The following GFM1 variants were observed in gnomAD, a reference collection of about 807,000 sequenced individuals.
The protein encoded by GFM1 is G elongation factor mitochondrial 1.
In GFM1, 62 loss-of-function variants were observed where a neutral mutation model predicts 96.2. The observed-to-expected ratio is 0.64, with a 90% confidence interval of 0.53 to 0.80. The LOEUF is 0.80. GFM1 is among the 30% of genes least tolerant of loss of function. GFM1 has a pLI of 0.00. For synonymous variants in GFM1, 282 were observed against 312.9 expected (o/e 0.90, Z 1.04); for missense variants, 852 against 916.6 (o/e 0.93, Z 0.91).
intron 13 of GFM1, among the ~76,000 whole-genome samples, 178 bp from the exon 14 acceptor site, chr3:158,681,817 A>G (rs745622879): frequency 6.6e-6 from 1 of 152,234 alleles, no homozygotes; most frequent in African/African-American, 2.4e-5. Context: ...CACTTCAAGT[A>G]AGAACAGAAA....
intron 8 of GFM1, chr3:158,655,989 A>G: frequency 2.2e-6 from 1 of 448,338 alleles, no homozygotes; most frequent in South Asian, 1.6e-5. Flanking sequence ...TCTTTTGTAG[A>G]GTGTCCCTCA....
In GFM1 at chr3:158,662,633, A is replaced by G. The variant is rs2108044319; in HGVS notation, c.1329A>G (p.Ser443=). Residue 443 remains serine, a synonymous_variant, in exon 11 of 18, where the codon TCA becomes TCG. Transcript: ENST00000486715. ...DKANSGLSME[S]IHVPDPVISI... ...TCTTTTAAAAAATATTTTAGGAGTC[A>G]ATTCATGTTCCTGATCCTGTCATTT... 1.9e-6 allele frequency: 3 copies of G among 1,588,924 alleles called. No homozygotes were observed. The highest frequency in any genetic ancestry group is 2.6e-6 in the Non-Finnish European group (3 of 1,157,834).
chr3:158,651,529 G>A (rs918762190), intron 5 of GFM1, among the ~76,000 whole-genome samples: 1 of 152,096 alleles, frequency 6.6e-6, no homozygotes, highest in South Asian at 2.1e-4. Flanking sequence ...CACATATTTA[G>A]TTTAGCGCTT....
At position 158,672,504 on chromosome 3, in the gene GFM1, T is replaced by C. The variant is rs755649841; in HGVS notation, c.1601+6118T>C. On this transcript the variant is annotated intron_variant, in intron 13 of 17. Coordinates refer to ENST00000486715, the MANE Select transcript of GFM1 (RefSeq NM_024996.7). ...TCCGGATGAGCAGTGACTTCAGGGC[T>C]TGGGCTACTCTGGCTTAACGGGACC... is the stretch of plus-strand genomic sequence containing the variant. 2.5e-5 allele frequency: 41 copies of C among 1,612,918 alleles called. No homozygotes were observed. The Admixed American group carries it at 3.7e-4, about 14-fold the overall frequency.
At position 158,653,427 on chromosome 3, in the gene GFM1, C is replaced by G. The variant is rs781397040; in HGVS notation, c.958C>G (p.Pro320Ala). The change falls in exon 7 of 18, where the codon CCA (proline) becomes GCA (alanine). Residue 320 changes from proline to alanine, a missense_variant. By Grantham distance (27) the Pro-to-Ala change is conservative. Transcript: ENST00000486715. ...TGCTGTTTTAGAATACCTCCCAAAT[C>G]CATCTGAAGTCCAGAACTATGCTAT... ...LDAVLEYLPN[P>A]SEVQNYAILN... 5 of 1,613,244 alleles carry G rather than the reference C, an allele frequency of 3.1e-6. No homozygotes were observed. The South Asian group carries it at 5.5e-5, about 18-fold the overall frequency.
At chr3:158,677,228 C>T (rs1442618331) in intron 13 of GFM1, among the ~76,000 whole-genome samples, 1 of 152,150 alleles carries the variant, frequency 6.6e-6, no homozygotes, top group Non-Finnish European at 1.5e-5. Context: ...CTCTACCTAC[C>T]AGTTGTGCTT....
chr3:158,688,942 A>G (rs994313346), intron 15 of GFM1, among the ~76,000 whole-genome samples: 2 of 152,252 alleles, frequency 1.3e-5, no homozygotes, highest in Admixed American at 6.5e-5. Context: ...GAGTAAATAT[A>G]TAAGAAAAAT....
At position 158,675,858 on chromosome 3, in the gene GFM1, C is replaced by T. The variant is rs1381510859; in HGVS notation, c.1602-6137C>T. ...GTTACTAAAGAGAGTTTCAGTTTAC[C>T]TTTATTCTTATACATTATAAAATGA... On this transcript the variant is annotated intron_variant, in intron 13 of 17. Coordinates refer to ENST00000486715, the MANE Select transcript of GFM1 (RefSeq NM_024996.7). 2.6e-5 allele frequency among the ~76,000 whole-genome samples: 4 copies of T among 152,250 alleles called. No homozygotes were observed. The East Asian group carries it at 7.7e-4, about 29-fold the overall frequency.
rs754404181 is a variant in GFM1, at chr3:158,690,168, G to A, written c.1915G>A (p.Ala639Thr). 4 of 1,612,198 alleles carry A rather than the reference G, an allele frequency of 2.5e-6. No individual in the cohort carries two copies. The Admixed American group carries it at 6.7e-5, about 27-fold the overall frequency. ...AGEGALKQAL[A>T]NATLCILEPI... Reference sequence around the variant, plus strand: ...TTTTTTTTTTTTTAACCCAGCCTTGGCAAATGCAACATTATGTATTCTTGA... The same window carrying A: ...TTTTTTTTTTTTTAACCCAGCCTTGACAAATGCAACATTATGTATTCTTGA... The change falls in exon 16 of 18, where the codon GCA (alanine) becomes ACA (threonine). Residue 639 changes from alanine (A) to threonine (T), a missense_variant. By Grantham distance (58) the Ala-to-Thr change is moderately conservative. Coordinates refer to ENST00000486715, the MANE Select transcript of GFM1 (RefSeq NM_024996.7).
chr3:158,653,652 CATATT>C (rs1311920177), intron 7 of GFM1, among the ~76,000 whole-genome samples, 185 bp downstream of exon 7: 2 of 151,688 alleles, frequency 1.3e-5, no homozygotes, highest in East Asian at 1.9e-4. Flanking sequence ...GTTCCTATAT[CATATT>C]CTGTTTTGAG....
Position 158,666,326 on chromosome 3 carries a change from G to T in GFM1, c.1541G>T (p.Cys514Phe), listed in dbSNP as rs529224781. Residue 514 changes from cysteine (C) to phenylalanine (F), a missense_variant, in exon 13 of 18, where the codon TGT becomes TTT. Cys to Phe is a radical substitution (Grantham distance 205, BLOSUM62 -2). Transcript: ENST00000486715. ...TAGAGGCTGGAAAGAGAGTATGGCT[G>T]TCCTTGTATCACAGGAAAGCCAAAA... ...YAQRLEREYGCPCITGKPKVA... is the reference protein window; with the variant it reads ...YAQRLEREYGFPCITGKPKVA... The T allele has an allele frequency of 3.7e-6, 6 of 1,613,078 alleles. No individual in the cohort carries two copies. The Admixed American group carries it at 6.7e-5, about 18-fold the overall frequency.
intron 11 of GFM1, among the ~76,000 whole-genome samples, chr3:158,663,815 G>A (rs1007287139): frequency 2.0e-5 from 3 of 152,124 alleles, no homozygotes; most frequent in Non-Finnish European, 2.9e-5. Flanking sequence ...AAGGTTTTTT[G>A]TTGTTTTGGG....
intron 15 of GFM1, among the ~76,000 whole-genome samples, chr3:158,688,582 C>T (rs1726057448): frequency 6.6e-6 from 1 of 152,160 alleles, no homozygotes; most frequent in Admixed American, 6.6e-5. Flanking sequence ...TCACATATCT[C>T]CTTCTGGGTG....
chr3:158,690,036 A>C, intron 15 of GFM1, 127 bp from the exon 16 acceptor site: 2 of 788,752 alleles, frequency 2.5e-6, no homozygotes, highest in East Asian at 5.0e-5. Context: ...TCTAGGTCGA[A>C]TATTTTAACC....
At chr3:158,673,701 C>T (rs1047474275) in intron 13 of GFM1, among the ~76,000 whole-genome samples, 2 of 151,650 alleles carry the variant, frequency 1.3e-5, no homozygotes, top group East Asian at 1.9e-4. Flanking sequence ...TTAGTAGAGA[C>T]GGGTTTAGGC....
intron 5 of GFM1, 144 bp from the exon 6 acceptor site, chr3:158,651,952 A>G (rs1722327662): frequency 4.4e-6 from 3 of 687,390 alleles, no homozygotes. Context: ...GGTATACATT[A>G]GTCTTATTTG....
chr3:158,651,550 A>T (rs1288385770), intron 5 of GFM1, among the ~76,000 whole-genome samples: 1 of 152,242 alleles, frequency 6.6e-6, no homozygotes, highest in Non-Finnish European at 1.5e-5. Context: ...ACTGCATTAT[A>T]AGTATTCAGT....
chr3:158,651,865 G>A (rs560436881), intron 5 of GFM1, among the ~76,000 whole-genome samples: 3 of 151,860 alleles, frequency 2.0e-5, no homozygotes, highest in South Asian at 4.2e-4. Flanking sequence ...TAGCTCTTCC[G>A]GTTACTGGTA....
At chr3:158,675,304 A>C (rs1054895943) in intron 13 of GFM1, among the ~76,000 whole-genome samples, 213 of 146,132 alleles carry the variant, frequency 1.5e-3, no homozygotes, top group African/African-American at 5.0e-3. Context: ...AAAAAAAAAA[A>C]AAAAAACAAG....
Sources: allele counts gnomAD v4.1 joint callset (sites outside exome capture counted in the v4.1 genomes callset), GRCh38; gene constraint gnomAD v4.1.1; transcripts MANE v1.5; gene names NCBI Gene and HGNC (gene_info 2026-07-23, HGNC 2026-07-21).